The following FAM81A variants were observed in gnomAD, a reference collection of about 807,000 sequenced individuals.
The protein encoded by FAM81A is family with sequence similarity 81 member A, also known as protein FAM81A.
Under a neutral mutation model 46.7 loss-of-function variants are expected in FAM81A, and 19 were observed. The ratio of observed to expected loss-of-function variants is 0.41; its 90% CI spans 0.28 to 0.60. The LOEUF (loss-of-function observed/expected upper bound fraction) is 0.60. Among genes scored for constraint, FAM81A ranks in the 20% least tolerant of loss-of-function variants. The pLI is 0.34. For synonymous variants in FAM81A, 183 were observed against 152.9 expected (o/e 1.20, Z -1.45); for missense variants, 377 against 453.5 (o/e 0.83, Z 1.53).
At chr15:59,409,904 A>G (rs1287316303) in intron 2 of FAM81A, among the ~76,000 whole-genome samples, 1 of 152,194 alleles carries the variant, frequency 6.6e-6, no homozygotes, top group African/African-American at 2.4e-5. Context: ...TATCTGTATT[A>G]TTAGTACAGA....
intron 2 of FAM81A, among the ~76,000 whole-genome samples, chr15:59,418,221 C>T (rs563500407): frequency 5.9e-5 from 9 of 152,132 alleles, no homozygotes; most frequent in South Asian, 2.1e-4. Flanking sequence ...ATTGAGGGCA[C>T]GATGTGAGCT....
intron 1 of FAM81A, among the ~76,000 whole-genome samples, chr15:59,440,558 A>G (rs2081286393): frequency 3.3e-5 from 5 of 152,210 alleles, no homozygotes; most frequent in African/African-American, 7.2e-5. Context: ...GTTCCTCAAC[A>G]TCTATCCCAG....
chr15:59,441,319 G>A (rs1421567931), intron 1 of FAM81A, among the ~76,000 whole-genome samples: 3 of 152,228 alleles, frequency 2.0e-5, no homozygotes, highest in African/African-American at 7.2e-5. Flanking sequence ...AGAATTTTCT[G>A]CGGTGAGAAA....
At chr15:59,418,628 G>A (rs557032639) in intron 2 of FAM81A, among the ~76,000 whole-genome samples, 1 of 152,158 alleles carries the variant, frequency 6.6e-6, no homozygotes, top group Non-Finnish European at 1.5e-5. Context: ...TGTTACCCAG[G>A]CATGGTAGGA....
At chr15:59,428,833 G>C (rs1217914947) in intron 2 of FAM81A, among the ~76,000 whole-genome samples, 1 of 152,050 alleles carries the variant, frequency 6.6e-6, no homozygotes, top group African/African-American at 2.4e-5. Flanking sequence ...GTTTTGCCAT[G>C]TTGGCCAGGC....
rs142995324 is a variant in FAM81A at position 59,407,779 on chromosome 15, C to A, written c.-78+5421C>A. 7.2e-4 allele frequency: 167 copies of A among 230,918 alleles called. 1 individual carries two copies. The highest frequency in any genetic ancestry group is 3.8e-3 in the African/African-American group (161 of 42,510). 14.3% of individuals were successfully genotyped at this position (230,918 alleles called of 1,614,324 possible). A position where few individuals can be genotyped will look rare whatever the true frequency, so the allele number is the denominator to read the frequency against. ...TCTCTTAGTGGGGAAGTCCCCTTTG[C>A]TGGCAGCTTTCTTCTCAGTCCAGGC... On this transcript the variant is annotated intron_variant, in intron 2 of 4. Transcript: ENST00000558348.
intron 1 of FAM81A, chr15:59,402,084 G>C (rs2081073671): frequency 2.0e-6 from 1 of 488,832 alleles, no homozygotes; most frequent in Admixed American, 3.5e-5. Flanking sequence ...AGACCCATGA[G>C]CTGACGCCGT....
chr15:59,521,875 T>G lies in FAM81A; in HGVS notation c.*497T>G, dbSNP rs2082332113. The G allele has an allele frequency of 6.6e-6, 1 of 152,318 alleles. No homozygotes were observed. Among genetic ancestry groups the G allele is most frequent in the Non-Finnish European group, 1.5e-5 (1 of 68,084 alleles). 9.4% of individuals were successfully genotyped at this position (152,318 alleles called of 1,614,324 possible). On this transcript the variant is annotated 3_prime_UTR_variant, in exon 9 of 9. Coordinates refer to ENST00000288228, the MANE Select transcript of FAM81A (RefSeq NM_152450.3). Reference sequence around the variant, plus strand: ...TTTATTATCGTTGTCTATGCACTTCTTATATTGGTTATCTTCTTGTAAATC... The same window carrying G: ...TTTATTATCGTTGTCTATGCACTTCGTATATTGGTTATCTTCTTGTAAATC...
At chr15:59,437,152 C>T (rs191836657), upstream of FAM81A, among the ~76,000 whole-genome samples, 195 of 152,070 alleles carry the variant, frequency 1.3e-3, 2 homozygotes, top group Non-Finnish European at 4.3e-4. Flanking sequence ...TACTAATAGC[C>T]CCTAAATAAT....
intron 2 of FAM81A, among the ~76,000 whole-genome samples, chr15:59,418,367 C>T (rs2081156138): frequency 6.6e-6 from 1 of 152,172 alleles, no homozygotes; most frequent in Admixed American, 6.5e-5. Flanking sequence ...TACAATCAAT[C>T]AAACTCATCA....
At chr15:59,502,623 C>T (rs559188330) in intron 4 of FAM81A, among the ~76,000 whole-genome samples, 8 of 151,860 alleles carry the variant, frequency 5.3e-5, no homozygotes, top group Non-Finnish European at 1.2e-4. Context: ...AAGCGATTCT[C>T]CTGCTTCAGC....
intron 3 of FAM81A, among the ~76,000 whole-genome samples, chr15:59,467,486 C>T (rs2081628579): frequency 6.6e-6 from 1 of 152,120 alleles, no homozygotes; most frequent in South Asian, 2.1e-4. Flanking sequence ...AATGGGAGTT[C>T]ACTCATGATT....
intron 3 of FAM81A, among the ~76,000 whole-genome samples, chr15:59,482,332 G>T (rs1308079356): frequency 2.6e-5 from 4 of 152,256 alleles, no homozygotes; most frequent in Admixed American, 2.6e-4. Flanking sequence ...ACAATGGTGT[G>T]ATCTTGGCTC....
chr15:59,455,734 A>G (rs2081475687), intron 1 of FAM81A, among the ~76,000 whole-genome samples: 2 of 152,202 alleles, frequency 1.3e-5, no homozygotes, highest in Non-Finnish European at 2.9e-5. Flanking sequence ...CATCTCCGAT[A>G]ATCAGTGGTG....
intron 2 of FAM81A, among the ~76,000 whole-genome samples, chr15:59,430,132 A>G (rs1342629812): frequency 2.6e-5 from 4 of 152,250 alleles, no homozygotes; most frequent in Non-Finnish European, 5.9e-5. Flanking sequence ...TGCCAGCCAC[A>G]TTTATCCTCA....
intron 3 of FAM81A, among the ~76,000 whole-genome samples, chr15:59,481,454 A>G (rs2141714670): frequency 6.6e-6 from 1 of 152,288 alleles, no homozygotes; most frequent in South Asian, 2.1e-4. Flanking sequence ...AAAAAAGAAT[A>G]AACCATAATT....
chr15:59,476,677 C>T (rs1479075087), intron 3 of FAM81A, among the ~76,000 whole-genome samples: 1 of 151,960 alleles, frequency 6.6e-6, no homozygotes, highest in Non-Finnish European at 1.5e-5. Context: ...GTAATCCCAG[C>T]TACTTGGGAG....
At position 59,453,702 on chromosome 15, in the gene FAM81A, G is replaced by A. The variant is rs530580582; in HGVS notation, c.-77-4848G>A. Among the ~76,000 whole-genome samples, 4 of 151,778 alleles carry A rather than the reference G, an allele frequency of 2.6e-5. No homozygotes were observed. In the East Asian group the frequency reaches 7.7e-4, roughly 29 times the overall value. On this transcript the variant is annotated intron_variant, in intron 1 of 8. Transcript: ENST00000288228. ...ATGGGAAGTTAAGAGAAAGGGCAAAGGAAAATGAAGAGGACTCAATGGTGG... is the reference window on the plus strand; with the variant it reads ...ATGGGAAGTTAAGAGAAAGGGCAAAAGAAAATGAAGAGGACTCAATGGTGG...
chr15:59,398,168 C>T (rs1449578941), intron 1 of FAM81A, among the ~76,000 whole-genome samples: 2 of 152,132 alleles, frequency 1.3e-5, no homozygotes, highest in East Asian at 3.9e-4. Context: ...TGAACACTTG[C>T]AGATATGAGT....
Sources: gnomAD v4.1 joint callset for allele counts (sites outside exome capture counted in the v4.1 genomes callset) on GRCh38, gnomAD v4.1.1 for gene constraint, MANE v1.5 for transcripts, NCBI Gene and HGNC (gene_info 2026-07-23, HGNC 2026-07-21) for gene names.